Variants in CSMD1 observed in about 807,000 individuals in gnomAD.
The protein encoded by CSMD1 is CUB and sushi domain-containing protein 1.
A neutral mutation model predicts 417.5 loss-of-function variants in CSMD1; 213 were observed. That is an observed-to-expected ratio of 0.51 (90% CI 0.46 to 0.57). The LOEUF (loss-of-function observed/expected upper bound fraction) is 0.57. Ranked by LOEUF, CSMD1 falls within the 20% of genes least tolerant of loss-of-function variation. The pLI, the probability that CSMD1 is intolerant of heterozygous loss-of-function variation, is 0.00. For missense variants in CSMD1, 6,923 were observed against 4,529.7 expected (o/e 1.53, Z -15.17); for synonymous variants, 2,862 against 1,736.8 (o/e 1.65, Z -16.11).
At chr8:3,690,412 T>C (rs1043517858) in intron 7 of CSMD1, among the ~76,000 whole-genome samples, 30 of 152,226 alleles carry the variant, frequency 2.0e-4, no homozygotes, top group South Asian at 2.1e-4. Flanking sequence ...TTTGATAAAA[T>C]ATTTGAAGCA....
At chr8:4,289,728 C>G (rs150473892) in intron 3 of CSMD1, among the ~76,000 whole-genome samples, 23 of 152,280 alleles carry the variant, frequency 1.5e-4, no homozygotes, top group Non-Finnish European at 2.9e-4. Context: ...GATTTTGCTA[C>G]TGGGTAATGC....
chr8:4,830,981 A>G (rs918745532), intron 1 of CSMD1, among the ~76,000 whole-genome samples: 3 of 152,226 alleles, frequency 2.0e-5, no homozygotes, highest in African/African-American at 7.2e-5. Flanking sequence ...TCAACGAGGC[A>G]TTTAGAGGCC....
intron 26 of CSMD1, among the ~76,000 whole-genome samples, chr8:3,282,700 C>T (rs911663682): frequency 2.6e-5 from 4 of 152,154 alleles, no homozygotes; most frequent in African/African-American, 9.7e-5. Flanking sequence ...GTTTGCAAAT[C>T]ACTGTTCAGA....
rs1429979492 is a variant in CSMD1, at chr8:3,805,254, A to C, written c.819-51212T>G. On this transcript the variant is annotated intron_variant, in intron 5 of 69. Coordinates refer to ENST00000635120, the MANE Select transcript of CSMD1 (RefSeq NM_033225.6). ...CAGCATCACAAGGGAACCAACCACC[A>C]TTTCTCCTAGGGCATCAGCATCGCA... Among the ~76,000 whole-genome samples, 3 of 152,036 alleles carry C rather than the reference A, an allele frequency of 2.0e-5. No homozygotes were observed. In the East Asian group the frequency reaches 5.8e-4, roughly 29 times the overall value.
At chr8:3,881,784 C>A (rs1399027525) in intron 5 of CSMD1, among the ~76,000 whole-genome samples, 2 of 151,988 alleles carry the variant, frequency 1.3e-5, no homozygotes, top group African/African-American at 4.8e-5. Context: ...ATGGTCGATG[C>A]AAGGAAAGAC....
chr8:3,454,405 C>T (rs1208045172), intron 12 of CSMD1, among the ~76,000 whole-genome samples: 1 of 152,164 alleles, frequency 6.6e-6, no homozygotes, highest in Non-Finnish European at 1.5e-5. Context: ...TTCTTCCTAG[C>T]ATCAATGGTC....
At chr8:4,234,409 G>A (rs1700039) in intron 3 of CSMD1, among the ~76,000 whole-genome samples, 151,007 of 152,174 alleles carry the variant, frequency 0.99, 74,926 homozygotes, top group East Asian at 1. Flanking sequence ...AACCACCTCA[G>A]TCTGCTCTTC....
chr8:3,146,178 T>G (rs1818833318), intron 40 of CSMD1, among the ~76,000 whole-genome samples: 1 of 152,170 alleles, frequency 6.6e-6, no homozygotes, highest in African/African-American at 2.4e-5. Flanking sequence ...TGCAGTAGAT[T>G]TTAAGTATAA....
Position 4,711,671 on chromosome 8 carries a change from TAAA to T in CSMD1, c.86-74116_86-74114del, listed in dbSNP as rs11321928. On this transcript the variant is annotated intron_variant, in intron 1 of 69. Transcript: ENST00000635120. ...AATACTTCTTTACTGTAGGTAAATTTAAAAAAAAAATCCATTAAAGTCTTTGAG... is the reference window on the plus strand; with the variant it reads ...AATACTTCTTTACTGTAGGTAAATTTAAAAAAATCCATTAAAGTCTTTGAG... Among the ~76,000 whole-genome samples the T allele has an allele frequency of 3.3e-5, 5 of 151,834 alleles. No individual in the cohort carries two copies. The South Asian group carries it at 1.0e-3, about 32-fold the overall frequency.
chr8:3,806,617 A>C (rs922454310), intron 5 of CSMD1, among the ~76,000 whole-genome samples: 1 of 152,188 alleles, frequency 6.6e-6, no homozygotes, highest in South Asian at 2.1e-4. Flanking sequence ...CAACATCAAT[A>C]ATCAATGTAA....
intron 5 of CSMD1, among the ~76,000 whole-genome samples, chr8:3,802,597 A>G (rs75954629): frequency 0.031 from 4,718 of 152,248 alleles, 170 homozygotes; most frequent in African/African-American, 0.085. Flanking sequence ...GCAGGATGTA[A>G]TTCACCAACT....
intron 3 of CSMD1, among the ~76,000 whole-genome samples, chr8:4,274,355 T>A (rs1563371478): frequency 1.3e-5 from 2 of 152,272 alleles, no homozygotes; most frequent in Non-Finnish European, 1.5e-5. Flanking sequence ...ACGTTTCACT[T>A]TTCTAAACTA....
At chr8:3,873,366 T>C (rs950295446) in intron 5 of CSMD1, among the ~76,000 whole-genome samples, 2 of 151,536 alleles carry the variant, frequency 1.3e-5, no homozygotes, top group African/African-American at 2.4e-5. Flanking sequence ...TATAATACTA[T>C]CAAGACATAA....
chr8:3,906,874 T>C (rs1228325378), intron 5 of CSMD1, among the ~76,000 whole-genome samples: 1 of 152,198 alleles, frequency 6.6e-6, no homozygotes, highest in South Asian at 2.1e-4. Flanking sequence ...AAAGTATTAG[T>C]ACCAAGTCTT....
At chr8:3,622,464 G>T (rs1403521639) in intron 7 of CSMD1, among the ~76,000 whole-genome samples, 1 of 152,202 alleles carries the variant, frequency 6.6e-6, no homozygotes, top group Non-Finnish European at 1.5e-5. Context: ...TTTCTCACAA[G>T]GAATAGCAGT....
At chr8:4,723,599 CA>C (rs1374675397) in intron 1 of CSMD1, among the ~76,000 whole-genome samples, 1 of 151,852 alleles carries the variant, frequency 6.6e-6, no homozygotes, top group Non-Finnish European at 1.5e-5. Context: ...GAAAAGAGGA[CA>C]TTTAAAAAGC....
chr8:3,878,232 G>A (rs181803518), intron 5 of CSMD1, among the ~76,000 whole-genome samples: 71 of 152,204 alleles, frequency 4.7e-4, no homozygotes, highest in East Asian at 3.3e-3. Flanking sequence ...GTGAGAAGTC[G>A]AGATGATAAT....
chr8:3,650,339 G>C (rs1200595541), intron 7 of CSMD1, among the ~76,000 whole-genome samples: 2 of 152,006 alleles, frequency 1.3e-5, no homozygotes, highest in South Asian at 4.2e-4. Context: ...AGTTGAGTTA[G>C]GAAGATGAGT....
chr8:3,855,833 T>C (rs1041577739), intron 5 of CSMD1, among the ~76,000 whole-genome samples: 6 of 152,210 alleles, frequency 3.9e-5, no homozygotes, highest in African/African-American at 1.4e-4. Context: ...TAAACATCTT[T>C]GATTTAGAGT....
Sources: gnomAD v4.1 joint callset for allele counts (sites outside exome capture counted in the v4.1 genomes callset) on GRCh38, gnomAD v4.1.1 for gene constraint, MANE v1.5 for transcripts, NCBI Gene and HGNC (gene_info 2026-07-23, HGNC 2026-07-21) for gene names.